VPS13B: variants seen among roughly 807,000 people sequenced by gnomAD.
VPS13B encodes the protein intermembrane lipid transfer protein VPS13B.
Under a neutral mutation model 426.4 loss-of-function variants are expected in VPS13B, and 285 were observed. That is an observed-to-expected ratio of 0.67 (90% CI 0.61 to 0.74). VPS13B has a LOEUF of 0.74. Ranked by LOEUF, VPS13B falls within the 30% of genes least tolerant of loss-of-function variation. The pLI is 0.00. For missense variants in VPS13B, 4,537 were observed against 4,782.6 expected (o/e 0.95, Z 1.51); for synonymous variants, 1,676 against 1,676.4 (o/e 1.00, Z 0.01).
In VPS13B at chr8:99,159,452, A is replaced by G. The variant is rs1159764971; in HGVS notation, c.2208+2709A>G. The stretch of plus-strand genomic sequence containing the variant: ...CCATCAAACCTCAAATCAATCATCA[A>G]TGCCTGCTGTGGAGAAATCTTTCAT... On this transcript the variant is annotated intron_variant, in intron 15 of 61. Transcript: ENST00000357162. Among the ~76,000 whole-genome samples the G allele has an allele frequency of 2.6e-5, 4 of 152,292 alleles. No individual in the cohort carries two copies. The East Asian group carries it at 7.7e-4, about 29-fold the overall frequency.
At chr8:99,784,686 G>T (rs77895593) in intron 43 of VPS13B, among the ~76,000 whole-genome samples, 6,725 of 152,198 alleles carry the variant, frequency 0.044, 162 homozygotes, top group African/African-American at 0.055. Flanking sequence ...ACTGGTGCTT[G>T]GGGCGGGGGC....
At chr8:99,834,092 CT>C (rs1815238156) in intron 52 of VPS13B, among the ~76,000 whole-genome samples, 1 of 152,202 alleles carries the variant, frequency 6.6e-6, no homozygotes, top group Non-Finnish European at 1.5e-5. Context: ...CAAATACAAT[CT>C]TTGGGAAGTA....
At chr8:99,348,135 A>G (rs1811645693) in intron 19 of VPS13B, 1 of 152,220 alleles carries the variant, frequency 6.6e-6, no homozygotes, top group Non-Finnish European at 1.5e-5. Flanking sequence ...GCCTGGTTCA[A>G]TCATTCGTTA....
intron 16 of VPS13B, 93 bp from the exon 17 acceptor site, chr8:99,192,783 A>G: frequency 1.5e-6 from 2 of 1,353,516 alleles, no homozygotes; most frequent in Non-Finnish European, 2.1e-6. Context: ...TTGGATGTAT[A>G]CCCTTTCTTC....
At chr8:99,256,781 G>C (rs1346674141) in intron 17 of VPS13B, among the ~76,000 whole-genome samples, 1 of 151,960 alleles carries the variant, frequency 6.6e-6, no homozygotes, top group Non-Finnish European at 1.5e-5. Context: ...ATGTATTCTG[G>C]ATACCAGCGT....
At chr8:99,341,035 C>A in intron 19 of VPS13B, 1 of 271,906 alleles carries the variant, frequency 3.7e-6, no homozygotes, top group South Asian at 5.1e-5. Context: ...TGAGCTTATT[C>A]CCATGGATAG....
Position 99,029,998 on chromosome 8 carries a change from A to G in VPS13B, c.148-8425A>G, listed in dbSNP as rs557976256. On this transcript the variant is annotated intron_variant, in intron 2 of 61. Coordinates refer to ENST00000357162, the MANE Select transcript of VPS13B (RefSeq NM_152564.5). The stretch of plus-strand genomic sequence containing the variant: ...GAGAGGACCTTTTTGGGTTGAGTCT[A>G]TTTGGGAAACTTTGAGCTTCCTGGA... Among the ~76,000 whole-genome samples the G allele has an allele frequency of 3.3e-5, 5 of 152,182 alleles. No individual in the cohort carries two copies. In the East Asian group the frequency reaches 5.8e-4, roughly 18 times the overall value.
intron 17 of VPS13B, among the ~76,000 whole-genome samples, chr8:99,270,335 C>G (rs1363071013): frequency 6.6e-6 from 1 of 151,128 alleles, no homozygotes; most frequent in Admixed American, 6.6e-5. Context: ...GATGTGGTTT[C>G]TCCACATTGG....
At position 99,699,612 on chromosome 8, in the gene VPS13B, T is replaced by C; in HGVS notation, c.6134T>C (p.Ile2045Thr). 9 of 1,614,018 alleles carry C rather than the reference T, an allele frequency of 5.6e-6. No individual in the cohort carries two copies. Among genetic ancestry groups the C allele is most frequent in the African/African-American group, 5.3e-5 (4 of 75,006 alleles). The change falls in exon 36 of 62, where the codon ATA (isoleucine) becomes ACA (threonine). Residue 2045 changes from isoleucine to threonine, a missense_variant. Physicochemically the swap from Ile to Thr is moderately conservative, Grantham distance 89 (BLOSUM62 -1). Around this residue, in one of 2 missense-constraint regions of VPS13B, gnomAD observed 4,311 missense variants for 4,474.3 expected, o/e 0.96. Coordinates refer to ENST00000357162, the MANE Select transcript of VPS13B (RefSeq NM_152564.5). ...LDQINLFLKK[I>T]KNAHSLAHSE... ...CAGATAAACCTTTTTTTAAAGAAGA[T>C]AAAAAATGCACACAGTTTGGCACAT...
At chr8:99,333,868 T>C (rs1810676179) in intron 19 of VPS13B, among the ~76,000 whole-genome samples, 1 of 152,048 alleles carries the variant, frequency 6.6e-6, no homozygotes, top group South Asian at 2.1e-4. Flanking sequence ...CACAATGTTT[T>C]TGAAATCGTT....
At chr8:99,294,522 C>G (rs1372277168) in intron 19 of VPS13B, among the ~76,000 whole-genome samples, 1 of 148,708 alleles carries the variant, frequency 6.7e-6, no homozygotes, top group Non-Finnish European at 1.5e-5. Flanking sequence ...CACATGTACC[C>G]TAAAACTTAA....
intron 31 of VPS13B, among the ~76,000 whole-genome samples, chr8:99,570,615 T>A (rs1825426749): frequency 6.6e-6 from 1 of 152,068 alleles, no homozygotes; most frequent in African/African-American, 2.4e-5. Flanking sequence ...TTAAGCAAAA[T>A]TTTTATTGTA....
chr8:99,302,174 A>T lies in VPS13B; in HGVS notation c.2824+26920A>T, dbSNP rs186241745. Among the ~76,000 whole-genome samples, 204 of 151,904 alleles carry T rather than the reference A, an allele frequency of 1.3e-3. 2 individuals carry two copies. Among genetic ancestry groups the T allele is most frequent in the Non-Finnish European group, 2.0e-3 (135 of 67,930 alleles). On this transcript the variant is annotated intron_variant, in intron 19 of 61. Coordinates refer to ENST00000357162, the MANE Select transcript of VPS13B (RefSeq NM_152564.5). ...TACTTACTTTTCTGGCCCTTACTTGACTCCTCCGGCCATAGCTCCAAACTG... is the reference window on the plus strand; with the variant it reads ...TACTTACTTTTCTGGCCCTTACTTGTCTCCTCCGGCCATAGCTCCAAACTG...
intron 17 of VPS13B, among the ~76,000 whole-genome samples, chr8:99,259,845 A>G (rs887965295): frequency 2.0e-5 from 3 of 152,122 alleles, no homozygotes; most frequent in African/African-American, 7.2e-5. Context: ...TAAACTCATA[A>G]TCTAAAATTA....
chr8:99,143,705 T>C (rs2132583179), intron 13 of VPS13B, among the ~76,000 whole-genome samples: 1 of 152,304 alleles, frequency 6.6e-6, no homozygotes. Context: ...GAACTCACCC[T>C]GTGGAGTCAG....
At chr8:99,751,552 C>T (rs995791342) in intron 39 of VPS13B, among the ~76,000 whole-genome samples, 2 of 152,106 alleles carry the variant, frequency 1.3e-5, no homozygotes, top group African/African-American at 4.8e-5. Flanking sequence ...GTCTGTCTGC[C>T]TCGCTGATCG....
chr8:99,328,652 A>T (rs1178078949), intron 19 of VPS13B, among the ~76,000 whole-genome samples: 1 of 152,158 alleles, frequency 6.6e-6, no homozygotes, highest in Non-Finnish European at 1.5e-5. Context: ...TCAGGAATTG[A>T]TCAAGTTAAG....
intron 39 of VPS13B, among the ~76,000 whole-genome samples, chr8:99,739,840 AC>A (rs1275926080): frequency 6.6e-6 from 1 of 152,126 alleles, no homozygotes; most frequent in African/African-American, 2.4e-5. Flanking sequence ...AAAATCAAAG[AC>A]CAAAGGTAGA....
chr8:99,733,044 A>G (rs1049382886), intron 39 of VPS13B, among the ~76,000 whole-genome samples: 2 of 152,206 alleles, frequency 1.3e-5, no homozygotes, highest in African/African-American at 2.4e-5. Flanking sequence ...ATGTTTAGCA[A>G]TCAGTGTGTT....
Sources: allele counts gnomAD v4.1 joint callset (sites outside exome capture counted in the v4.1 genomes callset), GRCh38; gene constraint gnomAD v4.1.1; regional missense constraint gnomAD v4.1.1; transcripts MANE v1.5; gene names NCBI Gene and HGNC (gene_info 2026-07-23, HGNC 2026-07-21).